RIC3: variants seen among roughly 807,000 people sequenced by gnomAD.
RIC3 encodes RIC3 acetylcholine receptor chaperone.
In RIC3, 28 loss-of-function variants were observed where a neutral mutation model predicts 27.3. The observed-to-expected ratio is 1.02, with a 90% confidence interval of 0.76 to 1.41. RIC3 has a LOEUF of 1.41. Ranked by LOEUF, RIC3 falls within the 40% of genes most tolerant of loss-of-function variation. RIC3 has a pLI of 0.00. For synonymous variants in RIC3, 184 were observed against 160.4 expected, an observed-to-expected ratio of 1.15 and a Z score of -1.11; for missense variants, 501 against 444.7, an observed-to-expected ratio of 1.13 and a Z score of -1.14.
At chr11:8,100,574 TGAGA>T in the RIC3 span, 3 of 1,614,124 alleles carry the variant, frequency 1.9e-6, no homozygotes, top group Non-Finnish European at 1.7e-6. Flanking sequence ...ACATGGTTCA[TGAGA>T]GAGTCTCTAT....
intron 5 of RIC3, among the ~76,000 whole-genome samples, chr11:8,121,950 C>T (rs1251486389): frequency 6.6e-6 from 1 of 151,976 alleles, no homozygotes; most frequent in East Asian, 1.9e-4. Flanking sequence ...TAATACAAGC[C>T]AGGCACAGTG....
At chr11:8,096,531 G>T in the RIC3 span, among the ~76,000 whole-genome samples, 1 of 152,196 alleles carries the variant, frequency 6.6e-6, no homozygotes, top group East Asian at 1.9e-4. Flanking sequence ...GTGTGAATGG[G>T]AGTCTATATG....
chr11:8,098,949 G>C, the RIC3 span: 1 of 1,103,230 alleles, frequency 9.1e-7, no homozygotes, highest in East Asian at 2.4e-5. Context: ...TGATCTAGGG[G>C]CTATCCCATC....
intron 1 of RIC3, among the ~76,000 whole-genome samples, chr11:8,154,144 A>G (rs1950472489): frequency 2.6e-5 from 4 of 152,188 alleles, no homozygotes; most frequent in Admixed American, 2.6e-4. Context: ...TATGCCAGGT[A>G]TATAAAAGTA....
rs776032042 is a variant in RIC3 at position 8,110,894 on chromosome 11, C to G, written c.914G>C (p.Cys305Ser). The G allele has an allele frequency of 5.6e-6, 9 of 1,614,196 alleles. No individual in the cohort carries two copies. Among genetic ancestry groups the G allele is most frequent in the African/African-American group, 1.3e-5 (1 of 75,046 alleles). ...AGGATCCTCGTCTTCATGAAAACAG[C>G]AGGAACATGTTTCTGGCTTTGGATC... ...SCDPKPETCSCCFHEDEDPAV... is the reference protein window; with the variant it reads ...SCDPKPETCSSCFHEDEDPAV... The change falls in exon 6 of 6, where the codon TGC becomes TCC. Residue 305 changes from cysteine to serine, a missense_variant. Cys to Ser is a moderately radical substitution (Grantham distance 112). Transcript: ENST00000309737.
At chr11:8,144,195 A>C (rs1949398465) in intron 1 of RIC3, among the ~76,000 whole-genome samples, 1 of 151,542 alleles carries the variant, frequency 6.6e-6, no homozygotes, top group Non-Finnish European at 1.5e-5. Context: ...TAATGAAACT[A>C]AAGAGCTTCT....
At chr11:8,167,624 T>C (rs1296007851) in intron 1 of RIC3, among the ~76,000 whole-genome samples, 1 of 141,346 alleles carries the variant, frequency 7.1e-6, no homozygotes, top group Non-Finnish European at 1.5e-5. Context: ...TCAAGATAAT[T>C]CACCATAATG....
chr11:8,121,968 C>T lies in RIC3; in HGVS notation c.670+4691G>A, dbSNP rs571969345. 2.6e-5 allele frequency among the ~76,000 whole-genome samples: 4 copies of T among 152,156 alleles called. No individual in the cohort carries two copies. The East Asian group carries it at 7.7e-4, about 29-fold the overall frequency. Reference sequence around the variant, plus strand: ...TACAAGCCAGGCACAGTGGCATGCACCTGGAGTCCCAGCTACTCAGGAGGC... The same window carrying T: ...TACAAGCCAGGCACAGTGGCATGCATCTGGAGTCCCAGCTACTCAGGAGGC... On this transcript the variant is annotated intron_variant, in intron 5 of 5. Transcript: ENST00000309737.
At chr11:8,093,924 G>A in the RIC3 span, 5 of 1,131,896 alleles carry the variant, frequency 4.4e-6, no homozygotes, top group Non-Finnish European at 6.5e-6. Context: ...AGTGGTACAG[G>A]GGCCCTGGTG....
intron 4 of RIC3, 120 bp downstream of exon 4, chr11:8,137,258 A>T: frequency 1.3e-6 from 1 of 771,338 alleles, no homozygotes; most frequent in South Asian, 1.6e-5. Context: ...TCCTGACCTC[A>T]GATGATCCAC....
chr11:8,101,856 G>GATCCGGCGA, downstream of RIC3: 1 of 482,862 alleles, frequency 2.1e-6, no homozygotes. Context: ...TTCTTTCCAT[G>GATCCGGCGA]CCACGAGATC....
chr11:8,147,374 T>C, intron 1 of RIC3, among the ~76,000 whole-genome samples: 1 of 152,038 alleles, frequency 6.6e-6, no homozygotes, highest in Non-Finnish European at 1.5e-5. Context: ...GAGATCTGTC[T>C]CAAATTTTGG....
chr11:8,096,198 A>G, the RIC3 span, among the ~76,000 whole-genome samples: 2 of 152,212 alleles, frequency 1.3e-5, no homozygotes, highest in African/African-American at 4.8e-5. Flanking sequence ...AGCTCAGGGC[A>G]AAGATGAGGA....
At chr11:8,099,781 C>T in the RIC3 span, among the ~76,000 whole-genome samples, 28 of 152,084 alleles carry the variant, frequency 1.8e-4, no homozygotes, top group African/African-American at 6.7e-4. Context: ...TGAGGTAGCT[C>T]TTGAGTAAAG....
At chr11:8,101,889 G>A (rs1049445512), downstream of RIC3, 4 of 480,776 alleles carry the variant, frequency 8.3e-6, no homozygotes, top group Admixed American at 3.5e-5. Context: ...CACCCTTGGG[G>A]TAGTAGTGTG....
At chr11:8,120,415 T>C (rs1407638798) in intron 5 of RIC3, among the ~76,000 whole-genome samples, 1 of 152,170 alleles carries the variant, frequency 6.6e-6, no homozygotes, top group Admixed American at 6.5e-5. Flanking sequence ...CTGGAAACCA[T>C]CATTCTCAGT....
At chr11:8,160,415 T>C (rs4758298) in intron 1 of RIC3, among the ~76,000 whole-genome samples, 9,810 of 152,202 alleles carry the variant, frequency 0.064, 367 homozygotes, top group South Asian at 0.11. Flanking sequence ...AGCTAAGAAA[T>C]GGTAAGCAGA....
chr11:8,096,069 T>A, the RIC3 span, among the ~76,000 whole-genome samples: 1 of 152,186 alleles, frequency 6.6e-6, no homozygotes, highest in African/African-American at 2.4e-5. Flanking sequence ...AGCCTGGCAG[T>A]GCCACACATT....
Position 8,106,580 on chromosome 11 carries a change from G to C in RIC3, c.*4118C>G, listed in dbSNP as rs1350894035. ...CCCTGTGGGCCTGGCCTTAGGAAGA[G>C]AACAGGGCTGTAGAGATGAAAAAGG... is the stretch of plus-strand genomic sequence containing the variant. On this transcript the variant is annotated 3_prime_UTR_variant, in exon 6 of 6. Coordinates refer to ENST00000309737, the MANE Select transcript of RIC3 (RefSeq NM_001206671.4). 6.6e-6 allele frequency: 1 copy of C among 152,326 alleles called. No homozygotes were observed. Among genetic ancestry groups the C allele is most frequent in the Non-Finnish European group, 1.5e-5 (1 of 68,096 alleles). 9.4% of individuals were successfully genotyped at this position (152,326 alleles called of 1,614,324 possible).
Sources: gnomAD v4.1 joint callset for allele counts (sites outside exome capture counted in the v4.1 genomes callset) on GRCh38, gnomAD v4.1.1 for gene constraint, MANE v1.5 for transcripts, NCBI Gene and HGNC (gene_info 2026-07-23, HGNC 2026-07-21) for gene names.